Variants in PARP1 observed in about 807,000 individuals in gnomAD.
The protein encoded by PARP1 is poly(ADP-ribose) polymerase 1.
Under a neutral mutation model 118.7 loss-of-function variants are expected in PARP1, and 44 were observed. The observed-to-expected ratio is 0.37, with a 90% confidence interval of 0.29 to 0.48. The LOEUF is 0.48. Among genes scored for constraint, PARP1 ranks in the 20% least tolerant of loss-of-function variants. The pLI is 0.99. For missense variants in PARP1, 1,100 were observed against 1,272.4 expected (o/e 0.86, Z 2.06); for synonymous variants, 492 against 483.2 (o/e 1.02, Z -0.24).
intron 7 of PARP1, among the ~76,000 whole-genome samples, chr1:226,383,987 G>C (rs972356460): frequency 1.3e-5 from 2 of 152,226 alleles, no homozygotes; most frequent in Admixed American, 1.3e-4. Context: ...CTGCTCTTCA[G>C]AAAGTATCTC....
chr1:226,375,571 T>A (rs1664472212), intron 13 of PARP1, among the ~76,000 whole-genome samples: 1 of 152,136 alleles, frequency 6.6e-6, no homozygotes, highest in Non-Finnish European at 1.5e-5. Flanking sequence ...GTGCTGTAGG[T>A]GCAAAATATA....
intron 17 of PARP1, chr1:226,366,278 C>A: frequency 3.8e-6 from 2 of 530,716 alleles, no homozygotes; most frequent in South Asian, 2.0e-5. Context: ...TAGAGAATCT[C>A]AGGGTTCCTT....
intron 3 of PARP1, 60 bp downstream of exon 3, chr1:226,392,139 C>T: frequency 9.1e-7 from 1 of 1,101,416 alleles, no homozygotes; most frequent in Non-Finnish European, 1.4e-6. Flanking sequence ...CTTGAGATAG[C>T]CAATAACATC....
intron 21 of PARP1, among the ~76,000 whole-genome samples, chr1:226,362,548 G>A (rs1437745157): frequency 4.6e-5 from 7 of 152,206 alleles, no homozygotes; most frequent in African/African-American, 7.2e-5. Flanking sequence ...AATGAGAACA[G>A]TGGCAGTACC....
intron 19 of PARP1, chr1:226,364,313 C>T: frequency 4.3e-6 from 2 of 460,960 alleles, no homozygotes; most frequent in African/African-American, 2.0e-5. Flanking sequence ...ACTCTACTTG[C>T]CTCTTTTCTC....
At chr1:226,372,583 G>T (rs141412755) in intron 14 of PARP1, among the ~76,000 whole-genome samples, 1 of 152,176 alleles carries the variant, frequency 6.6e-6, no homozygotes, top group Non-Finnish European at 1.5e-5. Flanking sequence ...GCTGAGGCAG[G>T]AGAATCGCTT....
At chr1:226,407,482 T>TC (rs1188945912) in intron 1 of PARP1, among the ~76,000 whole-genome samples, 1 of 150,106 alleles carries the variant, frequency 6.7e-6, no homozygotes, top group Non-Finnish European at 1.5e-5. Context: ...CATGTACAAT[T>TC]CCCCCCCAAC....
chr1:226,362,234 G>T, intron 21 of PARP1, 151 bp from the exon 22 acceptor site: 1 of 618,546 alleles, frequency 1.6e-6, no homozygotes, highest in Non-Finnish European at 2.9e-6. Context: ...CGCCCAGGCC[G>T]GAGTGCAATG....
Position 226,385,700 on chromosome 1 carries a change from A to G in PARP1, c.835-20T>C, listed in dbSNP as rs765702862. 6.2e-7 allele frequency: 1 copy of G among 1,612,206 alleles called. No homozygotes were observed. Among genetic ancestry groups the G allele is most frequent in the Non-Finnish European group, 8.5e-7 (1 of 1,178,284 alleles). On this transcript the variant is annotated intron_variant, in intron 6 of 22. Transcript: ENST00000366794. Reference sequence around the variant, plus strand: ...CAAGATCTGCAGCCAGTGGAGAAACATGTCAGAGGGCAAATGCGGGACTAC... The same window carrying G: ...CAAGATCTGCAGCCAGTGGAGAAACGTGTCAGAGGGCAAATGCGGGACTAC...
intron 10 of PARP1, 36 bp downstream of exon 10, chr1:226,379,886 C>T (rs1558237211): frequency 1.2e-6 from 2 of 1,612,536 alleles, no homozygotes; most frequent in Non-Finnish European, 8.5e-7. Flanking sequence ...ATGTCCCTGG[C>T]TTTTGGCCCT....
intron 3 of PARP1, among the ~76,000 whole-genome samples, chr1:226,390,965 A>C (rs1380478528): frequency 1.3e-5 from 2 of 150,480 alleles, no homozygotes; most frequent in East Asian, 3.9e-4. Context: ...GCAGAGCTAG[A>C]GCCTTGCACA....
chr1:226,361,889 G>C, intron 22 of PARP1, 80 bp downstream of exon 22: 1 of 863,724 alleles, frequency 1.2e-6, no homozygotes. Flanking sequence ...GTCTGCCCCA[G>C]GTAATCTGAC....
intron 22 of PARP1, 151 bp downstream of exon 22, chr1:226,361,818 G>A: frequency 1.4e-6 from 1 of 704,146 alleles, no homozygotes; most frequent in Non-Finnish European, 2.6e-6. Flanking sequence ...TATGCACAGG[G>A]AGGGACCACA....
chr1:226,380,319 T>C (rs1361042893), intron 9 of PARP1, among the ~76,000 whole-genome samples, 155 bp from the exon 10 acceptor site: 2 of 152,206 alleles, frequency 1.3e-5, no homozygotes, highest in Non-Finnish European at 2.9e-5. Flanking sequence ...AGTGTTTTTA[T>C]CAGCAACATT....
chr1:226,389,151 TA>T (rs972590676), intron 4 of PARP1, among the ~76,000 whole-genome samples: 5 of 151,652 alleles, frequency 3.3e-5, no homozygotes, highest in Non-Finnish European at 7.4e-5. Context: ...AGCCCATGGC[TA>T]GGGGGTAGGG....
At chr1:226,381,009 A>G in intron 9 of PARP1, 59 bp downstream of exon 9, 2 of 1,594,854 alleles carry the variant, frequency 1.3e-6, no homozygotes, top group South Asian at 1.1e-5. Flanking sequence ...CTTACTCGTC[A>G]TCACAATCAT....
At chr1:226,392,369 A>T in intron 2 of PARP1, 55 bp from the exon 3 acceptor site, 1 of 1,271,356 alleles carries the variant, frequency 7.9e-7, no homozygotes, top group Non-Finnish European at 1.2e-6. Context: ...AATGCAGCTC[A>T]GAGGAGCCCC....
At chr1:226,366,141 A>C in intron 17 of PARP1, 89 bp from the exon 18 acceptor site, 215 of 840,680 alleles carry the variant, frequency 2.6e-4, no homozygotes, top group Non-Finnish European at 3.6e-4. Context: ...TGCATAGCTC[A>C]ACACCACACT....
chr1:226,370,027 G>A (rs1664347485), intron 15 of PARP1, among the ~76,000 whole-genome samples: 2 of 149,840 alleles, frequency 1.3e-5, no homozygotes, highest in Non-Finnish European at 3.0e-5. Context: ...ACCCACAGAT[G>A]TGCAGGGCCA....
Sources: gnomAD v4.1 joint callset for allele counts (sites outside exome capture counted in the v4.1 genomes callset) on GRCh38, gnomAD v4.1.1 for gene constraint, MANE v1.5 for transcripts, NCBI Gene and HGNC (gene_info 2026-07-23, HGNC 2026-07-21) for gene names.